UBTD1: variants seen among roughly 807,000 people sequenced by gnomAD.
UBTD1 encodes ubiquitin domain containing 1.
In UBTD1, 19 loss-of-function variants were observed where a neutral mutation model predicts 21.7. The observed-to-expected ratio is 0.87, with a 90% CI of 0.61 to 1.28. UBTD1 has a LOEUF of 1.28. UBTD1 is among the 50% of genes most tolerant of loss of function. UBTD1 has a pLI of 0.00. For missense variants in UBTD1, 282 were observed against 315.1 expected, an observed-to-expected ratio of 0.89 and a Z score of 0.80; for synonymous variants, 116 against 135.1, an observed-to-expected ratio of 0.86 and a Z score of 0.98.
intron 1 of UBTD1, among the ~76,000 whole-genome samples, chr10:97,534,575 G>GCACA (rs1220230746): frequency 4.3e-5 from 2 of 46,932 alleles, no homozygotes; most frequent in East Asian, 1.8e-3. Context: ...ACACACGCGC[G>GCACA]CGCGCACACA....
At chr10:97,525,285 C>T (rs2040483342) in intron 1 of UBTD1, among the ~76,000 whole-genome samples, 1 of 152,158 alleles carries the variant, frequency 6.6e-6, no homozygotes, top group Admixed American at 6.5e-5. Context: ...CAGAGAATCT[C>T]TTTTGTTGTA....
chr10:97,500,028 C>A (rs1442592587), intron 1 of UBTD1, among the ~76,000 whole-genome samples: 2 of 152,210 alleles, frequency 1.3e-5, no homozygotes, highest in Non-Finnish European at 2.9e-5. Flanking sequence ...CTTACACTCA[C>A]TTCCTTCTTT....
intron 1 of UBTD1, among the ~76,000 whole-genome samples, chr10:97,551,699 C>T (rs747891580): frequency 2.0e-4 from 30 of 152,180 alleles, no homozygotes; most frequent in African/African-American, 4.3e-4. Flanking sequence ...GCACCACCGT[C>T]GGCTCCCCAA....
intron 1 of UBTD1, among the ~76,000 whole-genome samples, chr10:97,528,711 G>T (rs377654937): frequency 1.3e-4 from 4 of 31,242 alleles, no homozygotes; most frequent in African/African-American, 2.1e-4. Flanking sequence ...GCGGCTGGCC[G>T]GGCGGGGGGC....
At chr10:97,562,561 C>T (rs956251739) in intron 1 of UBTD1, among the ~76,000 whole-genome samples, 1 of 151,730 alleles carries the variant, frequency 6.6e-6, no homozygotes, top group Non-Finnish European at 1.5e-5. Context: ...GAGGATATTA[C>T]AAAATACCTT....
chr10:97,552,976 C>T (rs771805550), intron 1 of UBTD1, among the ~76,000 whole-genome samples: 21 of 152,202 alleles, frequency 1.4e-4, no homozygotes, highest in Non-Finnish European at 2.5e-4. Context: ...TTATTTTCTT[C>T]GAATAAATTA....
intron 1 of UBTD1, among the ~76,000 whole-genome samples, chr10:97,530,488 CAATA>C (rs1444871177): frequency 6.6e-6 from 1 of 152,152 alleles, no homozygotes; most frequent in African/African-American, 2.4e-5. Context: ...CATATTTGCT[CAATA>C]AATATTTATT....
intron 1 of UBTD1, among the ~76,000 whole-genome samples, chr10:97,499,921 C>G (rs1281029786): frequency 6.6e-6 from 1 of 152,104 alleles, no homozygotes; most frequent in Admixed American, 6.5e-5. Context: ...CGCTGGTGAT[C>G]CTCCAGGCCC....
At chr10:97,511,013 C>T (rs1268062523) in intron 1 of UBTD1, among the ~76,000 whole-genome samples, 5 of 152,086 alleles carry the variant, frequency 3.3e-5, no homozygotes, top group African/African-American at 1.2e-4. Flanking sequence ...TCCGAGTCCC[C>T]AGGGCTTCCT....
chr10:97,531,206 A>G (rs945688884), intron 1 of UBTD1, among the ~76,000 whole-genome samples: 3 of 135,520 alleles, frequency 2.2e-5, no homozygotes, highest in East Asian at 2.1e-4. Flanking sequence ...TAAATTTAAC[A>G]TATGCCATCT....
At chr10:97,563,792 G>A (rs1326722617) in intron 1 of UBTD1, among the ~76,000 whole-genome samples, 7 of 152,188 alleles carry the variant, frequency 4.6e-5, no homozygotes, top group African/African-American at 1.4e-4. Flanking sequence ...GGTGCAGTCC[G>A]AGTGGGTGGG....
At chr10:97,545,839 GAC>G (rs764839898) in intron 1 of UBTD1, among the ~76,000 whole-genome samples, 10 of 152,136 alleles carry the variant, frequency 6.6e-5, no homozygotes, top group Non-Finnish European at 1.0e-4. Context: ...CTTTTTTTGA[GAC>G]AGAGTCTCAC....
chr10:97,517,607 G>A (rs962288719), intron 1 of UBTD1, among the ~76,000 whole-genome samples: 4 of 152,166 alleles, frequency 2.6e-5, no homozygotes, highest in Non-Finnish European at 5.9e-5. Context: ...AGTCACTCGT[G>A]GCATGGCACT....
chr10:97,501,867 C>T (rs1477250344), intron 1 of UBTD1, among the ~76,000 whole-genome samples: 1 of 152,200 alleles, frequency 6.6e-6, no homozygotes, highest in Non-Finnish European at 1.5e-5. Context: ...CCTCCCTCCG[C>T]ACCCCACCAC....
intron 1 of UBTD1, among the ~76,000 whole-genome samples, chr10:97,518,607 G>C (rs1049233143): frequency 6.6e-6 from 1 of 152,204 alleles, no homozygotes; most frequent in South Asian, 2.1e-4. Flanking sequence ...CTGCCTGCTC[G>C]TTTCCAATCT....
At chr10:97,522,885 G>A (rs2040471970) in intron 1 of UBTD1, among the ~76,000 whole-genome samples, 1 of 152,156 alleles carries the variant, frequency 6.6e-6, no homozygotes. Flanking sequence ...CAGGGCCAGG[G>A]CCACCCTGGC....
At chr10:97,558,388 G>A (rs566214501) in intron 1 of UBTD1, among the ~76,000 whole-genome samples, 85 of 152,272 alleles carry the variant, frequency 5.6e-4, no homozygotes, top group Middle Eastern at 3.4e-3. Context: ...CACAGCCTGG[G>A]CATACTTTAG....
chr10:97,554,969 G>A lies in UBTD1; in HGVS notation c.71-12945G>A, dbSNP rs140137355. Among the ~76,000 whole-genome samples, 402 of 152,294 alleles carry A rather than the reference G, an allele frequency of 2.6e-3. 2 individuals carry two copies. Among genetic ancestry groups the A allele is most frequent in the African/African-American group, 8.8e-3 (367 of 41,558 alleles). On this transcript the variant is annotated intron_variant, in intron 1 of 2. Coordinates refer to ENST00000370664, the MANE Select transcript of UBTD1 (RefSeq NM_024954.5). ...CCTTTCTCAACCCTTGGTAGATTAG[G>A]AGTGGTCCATGAGCTGGGCCTGCCC...
chr10:97,520,137 G>C (rs2040460917), intron 1 of UBTD1, among the ~76,000 whole-genome samples: 1 of 152,202 alleles, frequency 6.6e-6, no homozygotes. Flanking sequence ...GATGGTGGTA[G>C]TACCTACCCT....
Sources: gnomAD v4.1 joint callset for allele counts (sites outside exome capture counted in the v4.1 genomes callset) on GRCh38, gnomAD v4.1.1 for gene constraint, MANE v1.5 for transcripts, NCBI Gene and HGNC (gene_info 2026-07-23, HGNC 2026-07-21) for gene names.